The following FBXL17 variants were observed in gnomAD, a reference collection of about 807,000 sequenced individuals.
FBXL17 encodes the protein F-box/LRR-repeat protein 17.
In FBXL17, 22 loss-of-function variants were observed where a neutral mutation model predicts 66.2. The observed-to-expected ratio is 0.33, with a 90% CI of 0.24 to 0.47. The LOEUF (loss-of-function observed/expected upper bound fraction) is 0.47. Among genes scored for constraint, FBXL17 ranks in the 20% least tolerant of loss-of-function variants. The pLI, the probability that FBXL17 is intolerant of heterozygous loss-of-function variation, is 1.00. For missense variants in FBXL17, 878 were observed against 948.2 expected, an observed-to-expected ratio of 0.93 and a Z score of 0.97; for synonymous variants, 474 against 400.5, an observed-to-expected ratio of 1.18 and a Z score of -2.19.
intron 4 of FBXL17, among the ~76,000 whole-genome samples, chr5:108,327,290 G>A (rs2150230353): frequency 6.6e-6 from 1 of 152,256 alleles, no homozygotes; most frequent in South Asian, 2.1e-4. Flanking sequence ...CTCCCTAAAT[G>A]TACTGTGGAG....
At chr5:108,307,848 G>A (rs1376654870) in intron 4 of FBXL17, among the ~76,000 whole-genome samples, 4 of 151,980 alleles carry the variant, frequency 2.6e-5, no homozygotes, top group African/African-American at 9.7e-5. Context: ...AAACATCAAA[G>A]AATAAGGAAA....
chr5:108,184,741 C>A (rs1479383605), intron 6 of FBXL17, among the ~76,000 whole-genome samples: 2 of 79,114 alleles, frequency 2.5e-5, no homozygotes, highest in Non-Finnish European at 4.5e-5. Context: ...AAGCAAGACT[C>A]GGTCTCAAAA....
intron 5 of FBXL17, among the ~76,000 whole-genome samples, chr5:108,220,549 C>T (rs187153080): frequency 2.7e-4 from 41 of 152,206 alleles, no homozygotes; most frequent in African/African-American, 9.9e-4. Context: ...CCTGTTACGC[C>T]ACCTAAGCTG....
chr5:108,080,167 C>T (rs184081779), intron 6 of FBXL17, among the ~76,000 whole-genome samples: 2 of 152,304 alleles, frequency 1.3e-5, no homozygotes, highest in Admixed American at 1.3e-4. Flanking sequence ...CAAAGAACTA[C>T]AACCAGATAA....
At chr5:108,374,082 C>G (rs1333828123) in intron 1 of FBXL17, among the ~76,000 whole-genome samples, 2 of 151,850 alleles carry the variant, frequency 1.3e-5, no homozygotes, top group African/African-American at 4.8e-5. Context: ...GGAAAAAAAC[C>G]AAAAAGAGTT....
At chr5:108,218,431 G>C (rs1754705889) in intron 5 of FBXL17, among the ~76,000 whole-genome samples, 1 of 152,056 alleles carries the variant, frequency 6.6e-6, no homozygotes, top group Non-Finnish European at 1.5e-5. Context: ...TATATCCTTT[G>C]GATACATACC....
At chr5:108,179,945 A>C (rs1470375712) in intron 6 of FBXL17, among the ~76,000 whole-genome samples, 1 of 152,154 alleles carries the variant, frequency 6.6e-6, no homozygotes, top group Non-Finnish European at 1.5e-5. Context: ...GAGTGGATAA[A>C]TGGAAAGGGG....
At chr5:108,189,826 C>A (rs1052409197) in intron 5 of FBXL17, among the ~76,000 whole-genome samples, 1 of 152,118 alleles carries the variant, frequency 6.6e-6, no homozygotes, top group African/African-American at 2.4e-5. Context: ...ACTATGAGAG[C>A]CTTCTGGGGA....
At chr5:108,221,548 G>A (rs1259275183) in intron 5 of FBXL17, among the ~76,000 whole-genome samples, 1 of 151,942 alleles carries the variant, frequency 6.6e-6, no homozygotes, top group Non-Finnish European at 1.5e-5. Flanking sequence ...AGAAAGCCAG[G>A]GATTTAGTGA....
At position 107,960,128 on chromosome 5, in the gene FBXL17, T is replaced by C. The variant is rs947019504; in HGVS notation, c.1822+60797A>G. ...TCCTTTTTATTTTTGCTCCTTTAGT[T>C]ACCTTGCTTTTCATCTGGACTAAAG... On this transcript the variant is annotated intron_variant, in intron 7 of 8. Transcript: ENST00000542267. 9.2e-5 allele frequency among the ~76,000 whole-genome samples: 14 copies of C among 152,292 alleles called. 1 individual carries two copies. The highest frequency in any genetic ancestry group is 3.4e-4 in the African/African-American group (14 of 41,558).
intron 7 of FBXL17, among the ~76,000 whole-genome samples, chr5:107,961,268 A>G (rs1187349370): frequency 4.6e-5 from 7 of 150,846 alleles, no homozygotes; most frequent in Non-Finnish European, 8.8e-5. Context: ...TCTGTTGCCC[A>G]GGCTGGAGTG....
In FBXL17 at chr5:107,890,629, A is replaced by T. The variant is rs116405378; in HGVS notation, c.1823-9450T>A. Among the ~76,000 whole-genome samples the T allele has an allele frequency of 9.8e-3, 1,478 of 150,892 alleles. 21 individuals are homozygous for T. Among genetic ancestry groups the T allele is most frequent in the Middle Eastern group, 0.034 (10 of 292 alleles). The stretch of plus-strand genomic sequence containing the variant: ...CATTGAGCCAAGATCACACCACTAC[A>T]CTCCAGCCTGGGAGAAAGAGTGAGA... On this transcript the variant is annotated intron_variant, in intron 7 of 8. Coordinates refer to ENST00000542267, the MANE Select transcript of FBXL17 (RefSeq NM_001163315.3).
chr5:108,356,451 T>C (rs79397856), intron 3 of FBXL17, among the ~76,000 whole-genome samples: 98 of 152,280 alleles, frequency 6.4e-4, no homozygotes, highest in African/African-American at 2.1e-3. Context: ...AGTATTTGAA[T>C]GGATAAACTG....
At chr5:108,369,425 G>A (rs1209027227) in intron 1 of FBXL17, among the ~76,000 whole-genome samples, 2 of 152,102 alleles carry the variant, frequency 1.3e-5, no homozygotes, top group African/African-American at 4.8e-5. Context: ...TCTCCTGAGG[G>A]CTGTGTCACA....
At chr5:108,379,486 A>G (rs1236550573) in intron 1 of FBXL17, among the ~76,000 whole-genome samples, 1 of 147,684 alleles carries the variant, frequency 6.8e-6, no homozygotes, top group Non-Finnish European at 1.5e-5. Flanking sequence ...TTGCTGTATC[A>G]CTCACAAGAA....
intron 4 of FBXL17, among the ~76,000 whole-genome samples, chr5:108,278,707 G>C (rs1757582100): frequency 6.6e-6 from 1 of 152,180 alleles, no homozygotes; most frequent in Non-Finnish European, 1.5e-5. Flanking sequence ...CAAGGCCTTG[G>C]CCACTAGGTT....
intron 4 of FBXL17, among the ~76,000 whole-genome samples, chr5:108,250,372 G>C (rs1756295051): frequency 6.6e-6 from 1 of 152,076 alleles, no homozygotes; most frequent in Non-Finnish European, 1.5e-5. Context: ...ATTGGCTTTA[G>C]CCATTAATGT....
At chr5:107,988,398 C>T (rs1194970295) in intron 7 of FBXL17, among the ~76,000 whole-genome samples, 2 of 151,902 alleles carry the variant, frequency 1.3e-5, no homozygotes, top group Non-Finnish European at 2.9e-5. Flanking sequence ...AGATGTCATA[C>T]AGAGTGCTAA....
At chr5:107,959,396 A>ACACACC in intron 7 of FBXL17, among the ~76,000 whole-genome samples, 1 of 151,720 alleles carries the variant, frequency 6.6e-6, no homozygotes, top group Middle Eastern at 3.4e-3. Context: ...ACACACACAC[A>ACACACC]CACACACACA....
Sources: allele counts gnomAD v4.1 joint callset (sites outside exome capture counted in the v4.1 genomes callset), GRCh38; gene constraint gnomAD v4.1.1; transcripts MANE v1.5; gene names NCBI Gene and HGNC (gene_info 2026-07-23, HGNC 2026-07-21).